MAPK8IP3: variants seen among roughly 807,000 people sequenced by gnomAD.
MAPK8IP3 encodes mitogen-activated protein kinase 8 interacting protein 3.
MAPK8IP3 carries 49 observed loss-of-function variants against 157.8 expected under a neutral mutation model. That is an observed-to-expected ratio of 0.31 (90% CI 0.25 to 0.39). The LOEUF is 0.39. MAPK8IP3 is among the 10% of genes least tolerant of loss of function. The pLI, the probability that MAPK8IP3 is intolerant of heterozygous loss-of-function variation, is 1.00. For missense variants in MAPK8IP3, 1,478 were observed against 1,889.4 expected (o/e 0.78, Z 4.04); for synonymous variants, 897 against 777.7 (o/e 1.15, Z -2.55).
In MAPK8IP3 at chr16:1,768,177, C is replaced by T. The variant is rs201308582; in HGVS notation, c.3563-22C>T. ...TCTCCACCTGTATGCGGGCTCAGCG[C>T]CTCTGGGTTCTCTCCCTGCAGCCAA... On this transcript the variant is annotated intron_variant, in intron 29 of 31. Coordinates refer to ENST00000610761, the MANE Select transcript of MAPK8IP3 (RefSeq NM_001318852.2). 189 of 1,611,798 alleles carry T rather than the reference C, an allele frequency of 1.2e-4. 1 individual carries two copies. Among genetic ancestry groups the T allele is most frequent in the Non-Finnish European group, 1.5e-4 (176 of 1,179,584 alleles).
intron 5 of MAPK8IP3, chr16:1,745,980 A>C (rs1195757540): frequency 6.6e-6 from 1 of 152,420 alleles, no homozygotes; most frequent in East Asian, 1.9e-4. Context: ...AGTATAAGTC[A>C]GCTGTGGAGA....
intron 4 of MAPK8IP3, among the ~76,000 whole-genome samples, chr16:1,739,302 GTCCGTGTGAGTGTGTGACCA>G (rs1471772312): frequency 3.3e-5 from 4 of 120,758 alleles, no homozygotes; most frequent in Non-Finnish European, 6.7e-5. Context: ...GCCTGTGACC[GTCCGTGTGAGTGTGTGACCA>G]TCCGTGTGAG....
At chr16:1,746,987 C>G (rs1297803787) in intron 5 of MAPK8IP3, 42 bp from the exon 6 acceptor site, 19 of 1,602,814 alleles carry the variant, frequency 1.2e-5, no homozygotes, top group Non-Finnish European at 1.6e-5. Context: ...GGCCAGGGAC[C>G]TGCAGTGACT....
chr16:1,738,123 CGTG>C (rs2040190349), intron 4 of MAPK8IP3, among the ~76,000 whole-genome samples: 3 of 69,804 alleles, frequency 4.3e-5, no homozygotes, highest in African/African-American at 6.9e-5. Context: ...TCCGTGTGAG[CGTG>C]ACTGTCCGTG....
chr16:1,748,273 G>A lies in MAPK8IP3; in HGVS notation c.1024G>A (p.Val342Ile), dbSNP rs1423386617. 6.2e-7 allele frequency: 1 copy of A among 1,613,996 alleles called. No individual in the cohort carries two copies. The highest frequency in any genetic ancestry group is 8.5e-7 in the Non-Finnish European group (1 of 1,180,004). ...GMGSSDEWSDVQDIIDSTPEL... is the reference protein window; with the variant it reads ...GMGSSDEWSDIQDIIDSTPEL... ...GGGCAGCAGTGACGAGTGGTCTGAT[G>A]TTCAAGACATTATTGACTCCACGCC... Residue 342 changes from valine (V) to isoleucine (I), a missense_variant, in exon 7 of 32, where the codon GTT becomes ATT. By Grantham distance (29) the Val-to-Ile change is conservative (BLOSUM62 3). This residue lies in a region of MAPK8IP3 where 315 missense variants were observed against 394.4 expected (regional missense o/e 0.80). Coordinates refer to ENST00000610761, the MANE Select transcript of MAPK8IP3 (RefSeq NM_001318852.2).
rs778711500 is a variant in MAPK8IP3, at chr16:1,747,118, C to T, written c.837C>T (p.Ser279=). 1.1e-5 allele frequency: 18 copies of T among 1,613,866 alleles called. No individual in the cohort carries two copies. Among genetic ancestry groups the T allele is most frequent in the Admixed American group, 1.7e-5 (1 of 60,016 alleles). ...TTGTKSNTPT[S]SVPSAAVTPL... is the part of the protein sequence containing the mutation. Reference sequence around the variant, plus strand: ...GCACCAAGTCCAACACGCCCACATCCTCCGTGCCCTCGGCCGCCGTCACAC... The same window carrying T: ...GCACCAAGTCCAACACGCCCACATCTTCCGTGCCCTCGGCCGCCGTCACAC... Residue 279 remains serine (S), a synonymous_variant, in exon 6 of 32, where the codon TCC becomes TCT. Coordinates refer to ENST00000610761, the MANE Select transcript of MAPK8IP3 (RefSeq NM_001318852.2).
intron 6 of MAPK8IP3, among the ~76,000 whole-genome samples, chr16:1,747,733 C>T (rs890133815): frequency 3.3e-5 from 5 of 152,002 alleles, no homozygotes; most frequent in Admixed American, 3.3e-4. Context: ...CCTGCATCGC[C>T]CCACGGCACA....
intron 8 of MAPK8IP3, among the ~76,000 whole-genome samples, chr16:1,757,396 G>A (rs1453492517): frequency 6.6e-6 from 1 of 152,126 alleles, no homozygotes; most frequent in Non-Finnish European, 1.5e-5. Flanking sequence ...GAGCCACCAC[G>A]CCCTGCTCAA....
In MAPK8IP3 at chr16:1,765,159, G is replaced by A. The variant is rs1435245300; in HGVS notation, c.2427G>A (p.Leu809=). 1.3e-6 allele frequency: 2 copies of A among 1,597,718 alleles called. No homozygotes were observed. Among genetic ancestry groups the A allele is most frequent in the Non-Finnish European group, 1.7e-6 (2 of 1,167,604 alleles). The change falls in exon 20 of 32, where the codon CTG becomes CTA. Residue 809 remains leucine, a synonymous_variant. Coordinates refer to ENST00000610761, the MANE Select transcript of MAPK8IP3 (RefSeq NM_001318852.2). Reference sequence around the variant, plus strand: ...TCACCGTCTGCAACGCGCACGTGCTGTGCATCTCCAGCATCCCCGGTGAGC... The same window carrying A: ...TCACCGTCTGCAACGCGCACGTGCTATGCATCTCCAGCATCCCCGGTGAGC... ...DQFTVCNAHV[L]CISSIPAASD... is the part of the protein sequence containing the mutation.
At chr16:1,719,921 T>C (rs998529156) in intron 1 of MAPK8IP3, among the ~76,000 whole-genome samples, 1 of 152,178 alleles carries the variant, frequency 6.6e-6, no homozygotes, top group East Asian at 1.9e-4. Context: ...TGTCCCACTT[T>C]TTAGGGGGAA....
chr16:1,750,550 G>GA (rs1331994172), intron 8 of MAPK8IP3, among the ~76,000 whole-genome samples: 4 of 151,174 alleles, frequency 2.6e-5, no homozygotes, highest in Non-Finnish European at 5.9e-5. Flanking sequence ...TTTATTTTTT[G>GA]AAAAAATTAT....
At chr16:1,738,105 T>C (rs1156452377) in intron 4 of MAPK8IP3, among the ~76,000 whole-genome samples, 1 of 93,256 alleles carries the variant, frequency 1.1e-5, no homozygotes, top group Non-Finnish European at 2.0e-5. Flanking sequence ...TGAGCATCCA[T>C]GTGACCGTCC....
chr16:1,733,692 C>T (rs1210326047), intron 4 of MAPK8IP3, among the ~76,000 whole-genome samples: 1 of 152,214 alleles, frequency 6.6e-6, no homozygotes, highest in Non-Finnish European at 1.5e-5. Flanking sequence ...TGGTGCACCT[C>T]GTCCTTGTCA....
chr16:1,727,768 G>C (rs1246242405), intron 2 of MAPK8IP3, among the ~76,000 whole-genome samples: 3 of 152,184 alleles, frequency 2.0e-5, no homozygotes, highest in African/African-American at 7.2e-5. Context: ...GCTTCCCTGG[G>C]TGCCTGGTAG....
chr16:1,729,119 C>T lies in MAPK8IP3; in HGVS notation c.440-19C>T. ...GGAGAAGCGTCTTGTGCGGCTCAGA[C>T]AGTGATTGTGTTTTCCAGTTTCCCG... On this transcript the variant is annotated intron_variant, in intron 2 of 31. Coordinates refer to ENST00000610761, the MANE Select transcript of MAPK8IP3 (RefSeq NM_001318852.2). The T allele has an allele frequency of 5.0e-6, 8 of 1,612,032 alleles. No homozygotes were observed. Among genetic ancestry groups the T allele is most frequent in the Non-Finnish European group, 6.8e-6 (8 of 1,178,140 alleles).
In MAPK8IP3 at chr16:1,762,682, C is replaced by T. The variant is rs759916548; in HGVS notation, c.1678C>T (p.Arg560Ter). Residue 560 changes from arginine (R) to a stop codon, truncating the protein, a stop_gained, in exon 15 of 32, where the codon CGA (arginine) becomes TGA (stop). Transcript: ENST00000610761. LOFTEE classifies it high-confidence loss of function. ...CTGTGCCCTCCCCTGCAGAGCGTCC[C>T]GAGAGCACCCATCCGTCCAGGAGAA... ...VRWTEMIRAS[R>*]EHPSVQEKKK... The T allele has an allele frequency of 6.4e-7, 1 of 1,557,314 alleles. No individual in the cohort carries two copies. Among genetic ancestry groups the T allele is most frequent in the East Asian group, 2.3e-5 (1 of 44,308 alleles).
In MAPK8IP3 at chr16:1,736,917, ACCAT is replaced by A. The variant is rs545893872; in HGVS notation, c.603-6410_603-6407del. Among the ~76,000 whole-genome samples, 20 of 35,542 alleles carry A rather than the reference ACCAT, an allele frequency of 5.6e-4. 1 individual carries two copies. The East Asian group carries it at 0.02, about 36-fold the overall frequency. The allele number at this position is 35,542 out of a possible 152,430, so 23.3% of individuals were successfully genotyped here. ...CCGTGTGTGACCGTCTGTGTGAGTG[ACCAT>A]CCATGTGAGCATCCGTGACCGTCCA... is the stretch of plus-strand genomic sequence containing the variant. On this transcript the variant is annotated intron_variant, in intron 4 of 31. Coordinates refer to ENST00000610761, the MANE Select transcript of MAPK8IP3 (RefSeq NM_001318852.2).
intron 6 of MAPK8IP3, among the ~76,000 whole-genome samples, chr16:1,747,900 C>G (rs1332748928): frequency 6.6e-6 from 1 of 152,258 alleles, no homozygotes; most frequent in Non-Finnish European, 1.5e-5. Flanking sequence ...TGCCCCACGG[C>G]ACACAGGCCA....
intron 2 of MAPK8IP3, among the ~76,000 whole-genome samples, chr16:1,727,442 T>C (rs1201155191): frequency 1.3e-5 from 2 of 152,004 alleles, no homozygotes; most frequent in East Asian, 3.9e-4. Context: ...ACGTGTCATG[T>C]CTGTAAGTCT....
Sources: gnomAD v4.1 joint callset for allele counts (sites outside exome capture counted in the v4.1 genomes callset) on GRCh38, gnomAD v4.1.1 for gene constraint, gnomAD v4.1.1 regional missense constraint, MANE v1.5 for transcripts, NCBI Gene and HGNC (gene_info 2026-07-23, HGNC 2026-07-21) for gene names.